The following PCDH15 variants were observed in gnomAD, a reference collection of about 807,000 sequenced individuals.
The protein encoded by PCDH15 is protocadherin related 15.
A neutral mutation model predicts 178.5 loss-of-function variants in PCDH15; 129 were observed. The ratio of observed to expected loss-of-function variants is 0.72; its 90% CI spans 0.63 to 0.84. The LOEUF is 0.84. Among genes scored for constraint, PCDH15 ranks in the 40% least tolerant of loss-of-function variants. The pLI is 0.00. For missense variants in PCDH15, 2,230 were observed against 2,099.9 expected (o/e 1.06, Z -1.21); for synonymous variants, 800 against 732.0 (o/e 1.09, Z -1.50).
chr10:55,011,780 T>G (rs1000025772), intron 2 of PCDH15, among the ~76,000 whole-genome samples: 3 of 151,074 alleles, frequency 2.0e-5, no homozygotes, highest in African/African-American at 7.3e-5. Flanking sequence ...AACATCGAAA[T>G]GAAAAAGAAA....
In PCDH15 at chr10:54,086,241, T is replaced by C. The variant is rs536609893; in HGVS notation, c.1997+3743A>G. On this transcript the variant is annotated intron_variant, in intron 16 of 37. Coordinates refer to ENST00000644397, the MANE Select transcript of PCDH15 (RefSeq NM_001384140.1). ...GCTGGTGTGTGCAGAGATCACATGGTGAGAAAGGAAGCAAGAAAGGAGGGG... is the reference window on the plus strand; with the variant it reads ...GCTGGTGTGTGCAGAGATCACATGGCGAGAAAGGAAGCAAGAAAGGAGGGG... Among the ~76,000 whole-genome samples, 361 of 152,140 alleles carry C rather than the reference T, an allele frequency of 2.4e-3. 1 individual carries two copies. The highest frequency in any genetic ancestry group is 4.1e-3 in the Non-Finnish European group (279 of 67,998).
intron 1 of PCDH15, among the ~76,000 whole-genome samples, chr10:54,773,459 G>A (rs898536792): frequency 6.6e-6 from 1 of 152,170 alleles, no homozygotes; most frequent in Non-Finnish European, 1.5e-5. Flanking sequence ...TAGCATTGAT[G>A]TCATTGAGAT....
chr10:55,577,426 T>C (rs1317224001), intron 2 of PCDH15, among the ~76,000 whole-genome samples: 1 of 152,168 alleles, frequency 6.6e-6, no homozygotes, highest in Non-Finnish European at 1.5e-5. Context: ...CTAAATTCTG[T>C]GGAGATACCT....
Position 54,814,221 on chromosome 10 carries a change from T to C in PCDH15, c.-29+83229A>G, listed in dbSNP as rs375699389. Among the ~76,000 whole-genome samples, 15 of 152,330 alleles carry C rather than the reference T, an allele frequency of 9.8e-5. No individual in the cohort carries two copies. In the South Asian group the frequency reaches 1.2e-3, roughly 13 times the overall value. ...AATGTTGATCTTCTTAACGGGACCA[T>C]ACAGTTAATGACATCAGAGACTAGG... is the stretch of plus-strand genomic sequence containing the variant. On this transcript the variant is annotated intron_variant, in intron 3 of 5. Transcript: ENST00000458638.
At chr10:54,942,237 C>A (rs1485601303) in intron 2 of PCDH15, among the ~76,000 whole-genome samples, 1 of 151,970 alleles carries the variant, frequency 6.6e-6, no homozygotes, top group Non-Finnish European at 1.5e-5. Flanking sequence ...TTGGGTCAAA[C>A]CTCTGTGTTG....
In PCDH15 at chr10:53,951,921, C is replaced by T. The variant is rs149711841; in HGVS notation, c.3122+7811G>A. Reference sequence around the variant, plus strand: ...CTGGCTGCTGTGGTGGGAAGGGTGGCCCCAGGTGCCAGCACAGATGCCAGC... The same window carrying T: ...CTGGCTGCTGTGGTGGGAAGGGTGGTCCCAGGTGCCAGCACAGATGCCAGC... On this transcript the variant is annotated intron_variant, in intron 23 of 37. Coordinates refer to ENST00000644397, the MANE Select transcript of PCDH15 (RefSeq NM_001384140.1). Among the ~76,000 whole-genome samples the T allele has an allele frequency of 3.5e-3, 530 of 152,280 alleles. 2 individuals are homozygous for T. The highest frequency in any genetic ancestry group is 0.012 in the African/African-American group (489 of 41,572).
Position 55,329,311 on chromosome 10 carries a change from G to C in PCDH15, c.-155-162660C>G, listed in dbSNP as rs371541952. Among the ~76,000 whole-genome samples the C allele has an allele frequency of 1.7e-4, 26 of 151,566 alleles. No individual in the cohort carries two copies. In the South Asian group the frequency reaches 4.8e-3, roughly 28 times the overall value. On this transcript the variant is annotated intron_variant, in intron 2 of 5. Coordinates refer to the PCDH15 transcript ENST00000613346. ...TTTTAAAAGGCTACATGTATTGTGAGTACATTGTTACTCTGAGAGCTAGCA... is the reference window on the plus strand; with the variant it reads ...TTTTAAAAGGCTACATGTATTGTGACTACATTGTTACTCTGAGAGCTAGCA...
chr10:54,247,935 AATAT>A (rs147562225), intron 8 of PCDH15, among the ~76,000 whole-genome samples: 1,939 of 139,366 alleles, frequency 0.014, 48 homozygotes, highest in African/African-American at 0.047. Flanking sequence ...TGCATGAAAG[AATAT>A]ATATATATAT....
rs573185137 is a variant in PCDH15, at chr10:53,815,331, A to AACTT, written c.4491+904_4491+907dup. On this transcript the variant is annotated intron_variant, in intron 35 of 37. Coordinates refer to ENST00000644397, the MANE Select transcript of PCDH15 (RefSeq NM_001384140.1). ...GTTACATTCCAGTTGTTGAGCTAGG[A>AACTT]ACTTACACATTTATTAGATATTACT... 7.9e-5 allele frequency among the ~76,000 whole-genome samples: 12 copies of AACTT among 152,314 alleles called. No individual in the cohort carries two copies. The East Asian group carries it at 2.3e-3, about 29-fold the overall frequency.
At chr10:55,107,713 G>A (rs113048932) in intron 2 of PCDH15, among the ~76,000 whole-genome samples, 127 of 151,494 alleles carry the variant, frequency 8.4e-4, no homozygotes, top group African/African-American at 1.1e-3. Context: ...GGCTGGTCTC[G>A]AACTCCTGAC....
intron 2 of PCDH15, among the ~76,000 whole-genome samples, chr10:55,582,628 A>ATTTTTTTTTT (rs1554800566): frequency 1.7e-4 from 12 of 69,028 alleles, no homozygotes; most frequent in South Asian, 6.2e-4. Context: ...ATATATATAT[A>ATTTTTTTTTT]TTTTTTTTTT....
chr10:55,023,990 T>C (rs1840406177), intron 2 of PCDH15, among the ~76,000 whole-genome samples: 1 of 148,940 alleles, frequency 6.7e-6, no homozygotes, highest in Non-Finnish European at 1.5e-5. Context: ...GATATATATC[T>C]GTCTCTCATA....
rs939705599 is a variant in PCDH15, at chr10:53,864,858, G to A, written c.3717+1784C>T. Among the ~76,000 whole-genome samples the A allele has an allele frequency of 5.3e-5, 8 of 151,854 alleles. No homozygotes were observed. The East Asian group carries it at 5.8e-4, about 11-fold the overall frequency. The stretch of plus-strand genomic sequence containing the variant: ...TTTCCTTGCTTTGTTCCTTTGTTTC[G>A]TTCCTGTGTTAATTTGTGTGTTTTG... On this transcript the variant is annotated intron_variant, in intron 27 of 37. Coordinates refer to ENST00000644397, the MANE Select transcript of PCDH15 (RefSeq NM_001384140.1).
intron 1 of PCDH15, among the ~76,000 whole-genome samples, chr10:55,177,870 T>C (rs1839537915): frequency 1.1e-5 from 1 of 90,786 alleles, no homozygotes; most frequent in Admixed American, 1.2e-4. Context: ...TACAGACGGA[T>C]TTTTTTTATA....
In PCDH15 at chr10:54,161,731, T is replaced by C. The variant is rs142102386; in HGVS notation, c.1591-8438A>G. 9.2e-3 allele frequency among the ~76,000 whole-genome samples: 1,404 copies of C among 152,212 alleles called. 10 individuals carry two copies. The highest frequency in any genetic ancestry group is 0.016 in the Non-Finnish European group (1,066 of 68,006). On this transcript the variant is annotated intron_variant, in intron 13 of 37. Transcript: ENST00000644397. ...AGATAACTGTATCCAGAAAATGAGATGCCAGACCTCTCATCCATGGATTAT... is the reference window on the plus strand; with the variant it reads ...AGATAACTGTATCCAGAAAATGAGACGCCAGACCTCTCATCCATGGATTAT...
chr10:54,113,293 C>T (rs1052273435), intron 15 of PCDH15, among the ~76,000 whole-genome samples: 37 of 151,966 alleles, frequency 2.4e-4, no homozygotes, highest in Non-Finnish European at 7.4e-5. Context: ...ACTATATTAC[C>T]GAAGATGTTT....
chr10:55,546,424 T>C (rs1841883750), intron 2 of PCDH15, among the ~76,000 whole-genome samples: 1 of 152,146 alleles, frequency 6.6e-6, no homozygotes, highest in Non-Finnish European at 1.5e-5. Context: ...TTAACGAGTA[T>C]ATATAATATC....
chr10:53,984,135 T>TC (rs397820660), intron 21 of PCDH15, among the ~76,000 whole-genome samples: 8 of 89,368 alleles, frequency 9.0e-5, no homozygotes, highest in African/African-American at 3.9e-4. Context: ...TTTTTTTTTT[T>TC]CTTTTTTCTT....
intron 3 of PCDH15, among the ~76,000 whole-genome samples, chr10:54,862,647 C>T (rs1240801644): frequency 6.6e-6 from 1 of 152,166 alleles, no homozygotes; most frequent in South Asian, 2.1e-4. Flanking sequence ...TGAGTAGATT[C>T]TGACTCTTTC....
Sources: allele counts gnomAD v4.1 joint callset (sites outside exome capture counted in the v4.1 genomes callset), GRCh38; gene constraint gnomAD v4.1.1; transcripts MANE v1.5; gene names NCBI Gene and HGNC (gene_info 2026-07-23, HGNC 2026-07-21).